YIF1B: variants seen among roughly 807,000 people sequenced by gnomAD.
YIF1B encodes the protein protein YIF1B.
A neutral mutation model predicts 34.6 loss-of-function variants in YIF1B; 24 were observed. That is an observed-to-expected ratio of 0.69 (90% CI 0.50 to 0.98). The LOEUF (loss-of-function observed/expected upper bound fraction) is 0.98. Ranked by LOEUF, YIF1B falls within the 50% of genes least tolerant of loss-of-function variation. The pLI, the probability that YIF1B is intolerant of heterozygous loss-of-function variation, is 0.00. For missense variants in YIF1B, 368 were observed against 429.4 expected, an observed-to-expected ratio of 0.86 and a Z score of 1.26; for synonymous variants, 186 against 184.8, an observed-to-expected ratio of 1.01 and a Z score of -0.05.
Position 38,304,368 on chromosome 19 carries a change from T to C in YIF1B, c.*984A>G. 6.3e-7 allele frequency: 1 copy of C among 1,595,076 alleles called. No individual in the cohort carries two copies. Among genetic ancestry groups the C allele is most frequent in the Non-Finnish European group, 8.5e-7 (1 of 1,172,030 alleles). On this transcript the variant is annotated 3_prime_UTR_variant, in exon 8 of 8. Transcript: ENST00000339413. ...GCCTGCACCAACCACCCAACTTCTC[T>C]CCACAGCCCTGGAGCCCACCTCCCA... is the stretch of plus-strand genomic sequence containing the variant.
upstream of YIF1B, chr19:38,316,059 C>A (rs941291139): frequency 1.2e-5 from 15 of 1,244,998 alleles, no homozygotes; most frequent in South Asian, 1.3e-4. Context: ...CTCCAGCCCC[C>A]CCCTTCACGG....
upstream of YIF1B, chr19:38,315,989 G>A: frequency 7.3e-7 from 1 of 1,365,948 alleles, no homozygotes; most frequent in South Asian, 1.7e-5. Flanking sequence ...CCCCGCCGGC[G>A]AAGAGACAGC....
chr19:38,313,541 G>C (rs1478084882), intron 1 of YIF1B, among the ~76,000 whole-genome samples: 1 of 152,300 alleles, frequency 6.6e-6, no homozygotes, highest in African/African-American at 2.4e-5. Context: ...TTACAGGCGT[G>C]AGCCACCTAA....
chr19:38,313,911 C>T (rs1019587844), intron 1 of YIF1B, among the ~76,000 whole-genome samples: 1 of 152,270 alleles, frequency 6.6e-6, no homozygotes, highest in African/African-American at 2.4e-5. Flanking sequence ...GGTTCCTTCT[C>T]ATAACATGTG....
rs560246879 is a variant in YIF1B, at chr19:38,312,937, T to C, written c.58+2923A>G. ...GCCTCTCTGCAAGCCCCACTTCCCT[T>C]TTCTTTCCCCTACTTCTTCTTCTTT... is the stretch of plus-strand genomic sequence containing the variant. On this transcript the variant is annotated intron_variant, in intron 1 of 7. Transcript: ENST00000339413. Among the ~76,000 whole-genome samples the C allele has an allele frequency of 1.1e-3, 161 of 150,418 alleles. 1 individual carries two copies. The highest frequency in any genetic ancestry group is 1.7e-3 in the Non-Finnish European group (118 of 67,520).
intron 1 of YIF1B, chr19:38,315,556 G>A (rs1472493890): frequency 2.7e-6 from 4 of 1,464,326 alleles, no homozygotes; most frequent in Non-Finnish European, 3.6e-6. Context: ...ACAGCAGGCG[G>A]GTACTGGGGA....
At position 38,305,020 on chromosome 19, in the gene YIF1B, C is replaced by G. The variant is rs1304639047; in HGVS notation, c.*332G>C. 3.9e-6 allele frequency: 6 copies of G among 1,553,544 alleles called. No homozygotes were observed. Among genetic ancestry groups the G allele is most frequent in the Admixed American group, 3.9e-5 (2 of 51,082 alleles). ...CTCTCTGCCTTCTGCGACTGGTCAG[C>G]GTGGTGCCTACTCTGGCCCGTCCCC... On this transcript the variant is annotated 3_prime_UTR_variant, in exon 8 of 8. Transcript: ENST00000339413.
In YIF1B at chr19:38,309,560, G is replaced by A. The variant is rs748567993; in HGVS notation, c.142C>T (p.Arg48Trp). 14 of 1,599,576 alleles carry A rather than the reference G, an allele frequency of 8.8e-6. No homozygotes were observed. Among genetic ancestry groups the A allele is most frequent in the East Asian group, 4.5e-5 (2 of 44,350 alleles). Residue 48 changes from arginine to tryptophan, a missense_variant, in exon 2 of 8, where the codon CGG becomes TGG. Physicochemically the swap from Arg to Trp is moderately radical, Grantham distance 101. Coordinates refer to ENST00000339413, the MANE Select transcript of YIF1B (RefSeq NM_001039672.3). Reference sequence around the variant, plus strand: ...GGTGCCCGCTGGGCCCCATAGCCCCGGCTCTGGGCTGAACTTGTGTCATCG... The same window carrying A: ...GGTGCCCGCTGGGCCCCATAGCCCCAGCTCTGGGCTGAACTTGTGTCATCG... ...LFDDTSSAQSRGYGAQRAPGG... is the reference protein window; with the variant it reads ...LFDDTSSAQSWGYGAQRAPGG...
At chr19:38,320,158 G>C (rs1297258499), upstream of YIF1B, 1 of 1,597,034 alleles carries the variant, frequency 6.3e-7, no homozygotes, top group Admixed American at 1.7e-5. Flanking sequence ...GCTGGCGGCC[G>C]GACGGCTGGG....
At position 38,309,076 on chromosome 19, in the gene YIF1B, G is replaced by A. The variant is rs8104432; in HGVS notation, c.403-19C>T. ...CCCAGTCCTGCGGGGATGGGGAGAC[G>A]GGCAGGACCCTCAGAGCCAGGCCCC... On this transcript the variant is annotated intron_variant, in intron 3 of 7. Transcript: ENST00000339413. 2.9e-3 allele frequency: 4,439 copies of A among 1,552,068 alleles called. 106 individuals are homozygous for A. The African/African-American group carries it at 0.053, about 19-fold the overall frequency.
In YIF1B at chr19:38,304,445, C is replaced by G; in HGVS notation, c.*907G>C. The G allele has an allele frequency of 6.4e-7, 1 of 1,559,076 alleles. No individual in the cohort carries two copies. ...GGGGAGATCCCAAGCTCAGTCCCCA[C>G]AAAGTTCAGGGCCGGTCGGAGGCAG... On this transcript the variant is annotated 3_prime_UTR_variant, in exon 8 of 8. Coordinates refer to ENST00000339413, the MANE Select transcript of YIF1B (RefSeq NM_001039672.3).
intron 1 of YIF1B, among the ~76,000 whole-genome samples, chr19:38,313,109 G>A (rs757343816): frequency 3.3e-5 from 5 of 151,992 alleles, no homozygotes; most frequent in Admixed American, 1.3e-4. Context: ...ACGCCACCAA[G>A]CCCAGGTAAT....
At chr19:38,316,745 G>A (rs1468256571), upstream of YIF1B, among the ~76,000 whole-genome samples, 3 of 152,082 alleles carry the variant, frequency 2.0e-5, no homozygotes, top group African/African-American at 4.8e-5. Context: ...AGGCTGCCTC[G>A]GACCCCCTGA....
intron 1 of YIF1B, among the ~76,000 whole-genome samples, chr19:38,310,919 T>C (rs576116294): frequency 2.0e-5 from 3 of 152,216 alleles, no homozygotes; most frequent in East Asian, 3.9e-4. Context: ...CTGATATCCA[T>C]AGAACTCGGC....
At position 38,309,654 on chromosome 19, in the gene YIF1B, AG is replaced by A. The variant is rs1969230668; in HGVS notation, c.59-12del. On this transcript the variant is annotated splice_polypyrimidine_tract_variant and intron_variant, in intron 1 of 7. Transcript: ENST00000339413. Reference sequence around the variant, plus strand: ...TCCTCCGCTTCGAGGCTGCAAGGGAAGAGAGTGAGAAGGAGCTGGGGACCCA... The same window carrying A: ...TCCTCCGCTTCGAGGCTGCAAGGGAAAGAGTGAGAAGGAGCTGGGGACCCA... The A allele has an allele frequency of 8.8e-6, 14 of 1,593,020 alleles. No individual in the cohort carries two copies. Among genetic ancestry groups the A allele is most frequent in the Non-Finnish European group, 1.1e-5 (13 of 1,172,644 alleles).
chr19:38,307,590 T>C lies in YIF1B; in HGVS notation c.695+7A>G, dbSNP rs1338529046. On this transcript the variant is annotated splice_region_variant and intron_variant, in intron 6 of 7. Coordinates refer to ENST00000339413, the MANE Select transcript of YIF1B (RefSeq NM_001039672.3). ...CTGGGGCTGGCGTGAAGGGCGGGGG[T>C]ACTCACCCGACATATTTGTAGCCCA... 7 of 1,612,982 alleles carry C rather than the reference T, an allele frequency of 4.3e-6. No individual in the cohort carries two copies. The highest frequency in any genetic ancestry group is 5.9e-6 in the Non-Finnish European group (7 of 1,179,846).
chr19:38,315,628 A>G, intron 1 of YIF1B: 1 of 1,544,298 alleles, frequency 6.5e-7, no homozygotes, highest in African/African-American at 1.4e-5. Flanking sequence ...TGAAAGTTGC[A>G]TTTCTCTGCA....
intron 7 of YIF1B, chr19:38,307,087 C>A: frequency 2.0e-6 from 1 of 500,242 alleles, no homozygotes; most frequent in Non-Finnish European, 4.0e-6. Context: ...GCACCCCTGA[C>A]TCCAGTGGGA....
Position 38,315,859 on chromosome 19 carries a change from C to T in YIF1B, c.58+1G>A. ...CCCGATCTCCTCCGCCGGCCACGTACGCCACTTACGCAGCCGGGGCGTCCC... is the reference window on the plus strand; with the variant it reads ...CCCGATCTCCTCCGCCGGCCACGTATGCCACTTACGCAGCCGGGGCGTCCC... On this transcript the variant is annotated splice_donor_variant, in intron 1 of 7. Transcript: ENST00000339413. LOFTEE classifies it high-confidence loss of function. 2 of 1,501,578 alleles carry T rather than the reference C, an allele frequency of 1.3e-6. No homozygotes were observed. The highest frequency in any genetic ancestry group is 1.2e-5 in the South Asian group (1 of 80,086). 93.0% of individuals were successfully genotyped at this position (1,501,578 alleles called of 1,614,324 possible). A position where few individuals can be genotyped will look rare whatever the true frequency, so the allele number is the denominator to read the frequency against.
Sources: gnomAD v4.1 joint callset for allele counts (sites outside exome capture counted in the v4.1 genomes callset) on GRCh38, gnomAD v4.1.1 for gene constraint, MANE v1.5 for transcripts, NCBI Gene and HGNC (gene_info 2026-07-23, HGNC 2026-07-21) for gene names.